BEAN1: variants seen among roughly 807,000 people sequenced by gnomAD.
BEAN1 encodes protein BEAN1.
In BEAN1, 17 loss-of-function variants were observed where a neutral mutation model predicts 17.7. The ratio of observed to expected loss-of-function variants is 0.96; its 90% CI spans 0.66 to 1.44. The LOEUF (loss-of-function observed/expected upper bound fraction) is 1.44, where lower values mean the gene tolerates loss of function less well. Ranked by LOEUF, BEAN1 falls within the 40% of genes most tolerant of loss-of-function variation. The pLI is 0.00. For synonymous variants in BEAN1, 142 were observed against 151.8 expected, an observed-to-expected ratio of 0.94 and a Z score of 0.47; for missense variants, 359 against 374.1, an observed-to-expected ratio of 0.96 and a Z score of 0.33.
intron 4 of BEAN1, among the ~76,000 whole-genome samples, chr16:66,491,310 A>G (rs993906160): frequency 6.6e-6 from 1 of 152,144 alleles, no homozygotes; most frequent in African/African-American, 2.4e-5. Context: ...TGGTGCATGC[A>G]CTAGAGTTCC....
chr16:66,479,500 GA>G (rs1457948773), intron 4 of BEAN1, among the ~76,000 whole-genome samples: 3 of 150,944 alleles, frequency 2.0e-5, no homozygotes, highest in Non-Finnish European at 4.4e-5. Context: ...GAGGGGTGGG[GA>G]AGGTGGGGGC....
chr16:66,458,700 C>CA (rs1827949984), intron 2 of BEAN1, among the ~76,000 whole-genome samples: 1 of 152,170 alleles, frequency 6.6e-6, no homozygotes, highest in South Asian at 2.1e-4. Flanking sequence ...ATCTTGAACA[C>CA]ATAACTTTAG....
At chr16:66,439,516 G>A (rs1962164595) in intron 2 of BEAN1, among the ~76,000 whole-genome samples, 1 of 152,186 alleles carries the variant, frequency 6.6e-6, no homozygotes, top group Non-Finnish European at 1.5e-5. Context: ...CTTTTGGGCT[G>A]AACCCCAGGC....
chr16:66,479,323 T>C (rs1597048352), intron 4 of BEAN1, among the ~76,000 whole-genome samples: 2 of 152,112 alleles, frequency 1.3e-5, no homozygotes, highest in East Asian at 3.9e-4. Context: ...ACAGATGCCC[T>C]GGGGGTGCCT....
rs1423822539 is a variant in BEAN1, at chr16:66,434,814, T to C, written c.-82-2781T>C. On this transcript the variant is annotated intron_variant, in intron 1 of 4. Transcript: ENST00000536005. This position sits in a 1 kb window ranked among gnomAD's most constrained non-coding sequence, Gnocchi z 4.3. ...AAAGGCAGCCTCCACCCCTCAGTCG[T>C]GCGCTTGCATCAGGCTGAGGTTGGC... 1.3e-5 allele frequency among the ~76,000 whole-genome samples: 2 copies of C among 152,256 alleles called. No individual in the cohort carries two copies. Among genetic ancestry groups the C allele is most frequent in the Non-Finnish European group, 2.9e-5 (2 of 68,010 alleles).
At chr16:66,437,988 C>T (rs143161553) in intron 2 of BEAN1, 288 of 533,184 alleles carry the variant, frequency 5.4e-4, no homozygotes, top group Non-Finnish European at 8.7e-4. Context: ...TGACACACAC[C>T]CACACACAAA....
intron 2 of BEAN1, among the ~76,000 whole-genome samples, chr16:66,457,295 G>C (rs1309501588): frequency 6.6e-6 from 1 of 152,178 alleles, no homozygotes; most frequent in Non-Finnish European, 1.5e-5. Flanking sequence ...TAGATGCATA[G>C]ATAGGTAAAT....
intron 2 of BEAN1, among the ~76,000 whole-genome samples, chr16:66,467,928 G>A (rs1963316100): frequency 6.6e-6 from 1 of 152,252 alleles, no homozygotes; most frequent in Non-Finnish European, 1.5e-5. Flanking sequence ...TCCCGAGTTT[G>A]TGCTTTACCA....
At chr16:66,461,649 A>AAGCACCTG (rs1284011750) in intron 2 of BEAN1, among the ~76,000 whole-genome samples, 1 of 151,628 alleles carries the variant, frequency 6.6e-6, no homozygotes, top group African/African-American at 2.4e-5. Flanking sequence ...TTTGCAATCT[A>AAGCACCTG]AGCACCTGCA....
intron 4 of BEAN1, 77 bp downstream of exon 4, chr16:66,477,787 A>T: frequency 7.2e-7 from 1 of 1,382,806 alleles, no homozygotes; most frequent in South Asian, 1.5e-5. Context: ...CCATCATGGG[A>T]AAGAGTGGCA....
downstream of BEAN1, chr16:66,485,246 C>G: frequency 2.6e-6 from 1 of 382,006 alleles, no homozygotes; most frequent in Non-Finnish European, 5.2e-6. Flanking sequence ...CATGTAGCAT[C>G]CCTCAGCTCC....
At chr16:66,492,472 C>T (rs1964188724) in intron 4 of BEAN1, among the ~76,000 whole-genome samples, 1 of 152,092 alleles carries the variant, frequency 6.6e-6, no homozygotes, top group Admixed American at 6.6e-5. Context: ...TGGAGTCTCG[C>T]TGTGTGGCCC....
chr16:66,493,172 C>T (rs1004286389), exon 5 of BEAN1: 8 of 702,866 alleles, frequency 1.1e-5, no homozygotes, highest in African/African-American at 8.7e-5. Context: ...CGCGGGCACA[C>T]GGATGCTTGA....
At chr16:66,484,678 T>C, downstream of BEAN1, 1 of 453,494 alleles carries the variant, frequency 2.2e-6, no homozygotes, top group Non-Finnish European at 4.4e-6. The surrounding 1 kb of genome is among the most constrained non-coding windows in gnomAD (Gnocchi z 4.2). Flanking sequence ...CCAGATGGAG[T>C]GAGGCAGGAA....
intron 2 of BEAN1, among the ~76,000 whole-genome samples, chr16:66,467,435 G>A (rs1005682789): frequency 3.3e-5 from 5 of 152,100 alleles, no homozygotes; most frequent in African/African-American, 1.2e-4. Context: ...TACAAGCAGG[G>A]GAAATGCCAG....
At chr16:66,475,700 C>A (rs538043304) in intron 3 of BEAN1, 1 of 152,318 alleles carries the variant, frequency 6.6e-6, no homozygotes, top group South Asian at 2.1e-4. Context: ...AAACAAATGG[C>A]ATTTCAGCTC....
intron 2 of BEAN1, among the ~76,000 whole-genome samples, chr16:66,446,652 G>T (rs1962467456): frequency 6.6e-6 from 1 of 152,096 alleles, no homozygotes; most frequent in Admixed American, 6.5e-5. Flanking sequence ...GGGAATGTGG[G>T]GAAGGGAAGG....
intron 2 of BEAN1, among the ~76,000 whole-genome samples, chr16:66,456,827 T>A (rs144287363): frequency 6.6e-6 from 1 of 152,236 alleles, no homozygotes; most frequent in African/African-American, 2.4e-5. Context: ...CAGAGGAATA[T>A]GTGCGTTACT....
In BEAN1 at chr16:66,493,404, C is replaced by A. The variant is rs1412415260; in HGVS notation, c.590C>A (p.Ala197Asp). 1.3e-5 allele frequency: 8 copies of A among 622,048 alleles called. No homozygotes were observed. In the Middle Eastern group the frequency reaches 1.0e-3, roughly 81 times the overall value. 38.5% of individuals were successfully genotyped at this position (622,048 alleles called of 1,614,324 possible). Residue 197 changes from alanine to aspartate, a missense_variant, in exon 5 of 5, where the codon GCC becomes GAC. Physicochemically the swap from Ala to Asp is moderately radical, Grantham distance 126. Coordinates refer to the BEAN1 transcript ENST00000561796. ...CTGAGCCCATCTGAGGTCTCAACAG[C>A]CCCCAACAGCCTCCCCAGTGGCTCT...
Sources: gnomAD v4.1 joint callset for allele counts (sites outside exome capture counted in the v4.1 genomes callset) on GRCh38, gnomAD v4.1.1 for gene constraint, Gnocchi (gnomAD v3.1) non-coding constraint, MANE v1.5 for transcripts, NCBI Gene and HGNC (gene_info 2026-07-23, HGNC 2026-07-21) for gene names.